ADH5: variants seen among roughly 807,000 people sequenced by gnomAD.
ADH5 encodes alcohol dehydrogenase class-3.
A neutral mutation model predicts 40.3 loss-of-function variants in ADH5; 32 were observed. That is an observed-to-expected ratio of 0.79 (90% CI 0.60 to 1.07). ADH5 has a LOEUF of 1.07. ADH5 is among the 50% of genes least tolerant of loss of function. ADH5 has a pLI of 0.00. For missense variants in ADH5, 353 were observed against 460.5 expected (o/e 0.77, Z 2.14); for synonymous variants, 125 against 154.3 (o/e 0.81, Z 1.41).
At chr4:99,079,343 T>C (rs1727983690) in intron 4 of ADH5, among the ~76,000 whole-genome samples, 1 of 143,930 alleles carries the variant, frequency 6.9e-6, no homozygotes, top group South Asian at 2.3e-4. Context: ...CATATGCAGC[T>C]TGGATATATC....
Position 99,072,423 on chromosome 4 carries a change from C to A in ADH5, c.1119G>T (p.Lys373Asn). The A allele has an allele frequency of 6.2e-7, 1 of 1,613,216 alleles. No homozygotes were observed. Among genetic ancestry groups the A allele is most frequent in the Non-Finnish European group, 8.5e-7 (1 of 1,179,434 alleles). The change falls in exon 9 of 9, where the codon AAG (lysine) becomes AAT (asparagine). Residue 373 changes from lysine (K) to asparagine (N), a missense_variant. Transcript: ENST00000296412. ...HSGKSIRTVV[K>N]I ...ATTATTTTTCTCTTTTGAATTAAATCTTTACAACAGTTCGAATGCTGTAAA... is the reference window on the plus strand; with the variant it reads ...ATTATTTTTCTCTTTTGAATTAAATATTTACAACAGTTCGAATGCTGTAAA...
rs1225183955 is a variant in ADH5 at position 99,072,191 on chromosome 4, C to G, written c.*226G>C. On this transcript the variant is annotated 3_prime_UTR_variant, in exon 9 of 9. Coordinates refer to ENST00000296412, the MANE Select transcript of ADH5 (RefSeq NM_000671.4). ...TTACTTTTATTATGTTAAAATATTC[C>G]TTAATAAACTAGCAATTATTTATGT... 2.2e-6 allele frequency: 1 copy of G among 449,168 alleles called. No homozygotes were observed. Among genetic ancestry groups the G allele is most frequent in the East Asian group, 3.4e-5 (1 of 29,316 alleles). The allele number at this position is 449,168 out of a possible 1,614,324, so 27.8% of individuals were successfully genotyped here.
chr4:99,088,673 G>T lies in ADH5; in HGVS notation c.12+16C>A, dbSNP rs752519844. On this transcript the variant is annotated intron_variant, in intron 1 of 8. Coordinates refer to ENST00000296412, the MANE Select transcript of ADH5 (RefSeq NM_000671.4). Reference sequence around the variant, plus strand: ...CCCTCCCTTGGACTCAGGGCCCTCCGCTCAACGGGCCCTACCTCGTTCGCC... The same window carrying T: ...CCCTCCCTTGGACTCAGGGCCCTCCTCTCAACGGGCCCTACCTCGTTCGCC... The T allele has an allele frequency of 1.2e-5, 19 of 1,606,272 alleles. No homozygotes were observed. The highest frequency in any genetic ancestry group is 1.5e-5 in the Non-Finnish European group (18 of 1,175,456).
intron 3 of ADH5, 170 bp from the exon 4 acceptor site, chr4:99,081,622 T>C: frequency 1.7e-6 from 1 of 587,256 alleles, no homozygotes; most frequent in Non-Finnish European, 3.0e-6. Context: ...ATGCAAAAAG[T>C]ATGTTTCAAT....
At chr4:99,079,390 G>C (rs13133011) in intron 4 of ADH5, among the ~76,000 whole-genome samples, 1,692 of 151,356 alleles carry the variant, frequency 0.011, 13 homozygotes, top group Non-Finnish European at 0.018. Flanking sequence ...CCTGACAAAA[G>C]AGCATGCACT....
In ADH5 at chr4:99,076,848, G is replaced by A; in HGVS notation, c.420C>T (p.Tyr140=). 1.2e-6 allele frequency: 2 copies of A among 1,613,880 alleles called. No individual in the cohort carries two copies. The highest frequency in any genetic ancestry group is 1.1e-5 in the South Asian group (1 of 91,070). ...FTCKGKTILH[Y]MGTSTFSEYT... ...ATTCAGAAAATGTGCTGGTTCCCAT[G>A]TAATGCAAAATTGTCTTTCCTTTGC... is the stretch of plus-strand genomic sequence containing the variant. The change falls in exon 5 of 9, where the codon TAC becomes TAT. Residue 140 remains tyrosine (Y), a synonymous_variant. Transcript: ENST00000296412.
intron 1 of ADH5, among the ~76,000 whole-genome samples, chr4:99,087,872 A>G (rs1728179666): frequency 6.6e-6 from 1 of 152,250 alleles, no homozygotes; most frequent in South Asian, 2.1e-4. Flanking sequence ...AAACTCCAAT[A>G]TGTTTAAGGC....
chr4:99,078,873 T>C (rs181118982), intron 4 of ADH5, among the ~76,000 whole-genome samples: 44 of 152,370 alleles, frequency 2.9e-4, no homozygotes, highest in African/African-American at 9.4e-4. Flanking sequence ...TCACCACTAT[T>C]ATATTTGATG....
Position 99,076,935 on chromosome 4 carries a change from A to G in ADH5, c.345-12T>C. The G allele has an allele frequency of 6.3e-7, 1 of 1,579,870 alleles. No homozygotes were observed. Among genetic ancestry groups the G allele is most frequent in the African/African-American group, 1.4e-5 (1 of 73,568 alleles). On this transcript the variant is annotated splice_polypyrimidine_tract_variant and intron_variant, in intron 4 of 8. Transcript: ENST00000296412. ...TCCCTTGAGTGACTCTAAAGAAAAA[A>G]AAAGGAAAAAGGCAAGTTGGAATTA...
intron 6 of ADH5, chr4:99,075,826 C>G (rs1408254756): frequency 6.4e-6 from 1 of 155,584 alleles, no homozygotes; most frequent in Non-Finnish European, 1.4e-5. Context: ...CTGAAATGCC[C>G]CAATGAGCAT....
intron 6 of ADH5, chr4:99,075,999 G>A (rs1727918295): frequency 3.3e-6 from 1 of 302,652 alleles, no homozygotes; most frequent in African/African-American, 2.2e-5. Context: ...AAGTGGATGT[G>A]TATTTGATTC....
chr4:99,079,776 C>A (rs2110461460), intron 4 of ADH5: 1 of 300,182 alleles, frequency 3.3e-6, no homozygotes, highest in Non-Finnish European at 6.5e-6. Context: ...CTCCTGCAGT[C>A]TTCCTAATAG....
rs1422793450 is a variant in ADH5 at position 99,075,014 on chromosome 4, G to A, written c.861C>T (p.Gly287=). Residue 287 remains glycine, a synonymous_variant, in exon 7 of 9, where the codon GGC becomes GGT. Coordinates refer to ENST00000296412, the MANE Select transcript of ADH5 (RefSeq NM_000671.4). ...AALEACHKGW[G]VSVVVGVAAS... Reference sequence around the variant, plus strand: ...CAGCTACTCCAACCACGACGCTGACGCCCCAGCCCTTGTGACATGCCTCAA... The same window carrying A: ...CAGCTACTCCAACCACGACGCTGACACCCCAGCCCTTGTGACATGCCTCAA... 1.9e-6 allele frequency: 3 copies of A among 1,612,458 alleles called. No homozygotes were observed. Among genetic ancestry groups the A allele is most frequent in the Admixed American group, 1.7e-5 (1 of 59,942 alleles).
chr4:99,074,719 C>A (rs143627465), intron 7 of ADH5, among the ~76,000 whole-genome samples, 195 bp downstream of exon 7: 1 of 152,124 alleles, frequency 6.6e-6, no homozygotes, highest in East Asian at 1.9e-4. Context: ...ACCACCCTCC[C>A]CCCCAAGTCC....
intron 2 of ADH5, among the ~76,000 whole-genome samples, 161 bp downstream of exon 2, chr4:99,084,954 G>A (rs938243344): frequency 1.3e-5 from 2 of 152,226 alleles, no homozygotes; most frequent in African/African-American, 2.4e-5. Flanking sequence ...AAAGGTGAAA[G>A]ATAAGAGAAG....
At chr4:99,083,535 G>T (rs1271979962) in intron 2 of ADH5, among the ~76,000 whole-genome samples, 3 of 150,122 alleles carry the variant, frequency 2.0e-5, no homozygotes, top group Non-Finnish European at 4.4e-5. Context: ...GGGAGGCAGG[G>T]GTTGCAGCGA....
chr4:99,085,925 TACTC>T (rs1295472777), intron 1 of ADH5, among the ~76,000 whole-genome samples: 1 of 152,106 alleles, frequency 6.6e-6, no homozygotes, highest in Non-Finnish European at 1.5e-5. Flanking sequence ...TGGTCCCAGC[TACTC>T]AGGAGGCTGA....
chr4:99,079,788 C>A, intron 4 of ADH5: 1 of 327,244 alleles, frequency 3.1e-6, no homozygotes, highest in East Asian at 9.3e-5. Flanking sequence ...TCCTAATAGC[C>A]TTAGTGGGTA....
At chr4:99,077,823 G>A (rs1397992595) in intron 4 of ADH5, among the ~76,000 whole-genome samples, 1 of 152,204 alleles carries the variant, frequency 6.6e-6, no homozygotes, top group Non-Finnish European at 1.5e-5. Context: ...TCTAAACAGA[G>A]GTGATGTAAC....
Sources: gnomAD v4.1 joint callset for allele counts (sites outside exome capture counted in the v4.1 genomes callset) on GRCh38, gnomAD v4.1.1 for gene constraint, MANE v1.5 for transcripts, NCBI Gene and HGNC (gene_info 2026-07-23, HGNC 2026-07-21) for gene names.